Variants in KLHL29 observed in about 807,000 individuals in gnomAD.
KLHL29 encodes kelch-like protein 29.
KLHL29 carries 21 observed loss-of-function variants against 80.4 expected under a neutral mutation model. That is an observed-to-expected ratio of 0.26 (90% CI 0.19 to 0.38). KLHL29 has a LOEUF of 0.38. Among genes scored for constraint, KLHL29 ranks in the 10% least tolerant of loss-of-function variants. KLHL29 has a pLI of 1.00. For missense variants in KLHL29, 867 were observed against 1,223.9 expected, an observed-to-expected ratio of 0.71 and a Z score of 4.35; for synonymous variants, 511 against 526.8, an observed-to-expected ratio of 0.97 and a Z score of 0.41.
intron 1 of KLHL29, among the ~76,000 whole-genome samples, chr2:23,470,208 G>A (rs185001235): frequency 3.3e-5 from 5 of 152,192 alleles, no homozygotes; most frequent in Admixed American, 2.0e-4. Flanking sequence ...GGGCCCTTTG[G>A]TGCTGTGCTG....
chr2:23,653,382 T>C (rs1558425430), intron 5 of KLHL29, among the ~76,000 whole-genome samples: 1 of 152,198 alleles, frequency 6.6e-6, no homozygotes, highest in Non-Finnish European at 1.5e-5. Flanking sequence ...CCAAGAACTC[T>C]ACAGGGACAA....
intron 1 of KLHL29, among the ~76,000 whole-genome samples, chr2:23,395,170 G>A (rs1481804660): frequency 6.6e-6 from 1 of 152,202 alleles, no homozygotes; most frequent in Non-Finnish European, 1.5e-5. Context: ...TCACCAGGAA[G>A]TCCATGGAAA....
chr2:23,505,050 T>G (rs1198152934), intron 2 of KLHL29, among the ~76,000 whole-genome samples: 1 of 152,208 alleles, frequency 6.6e-6, no homozygotes, highest in Non-Finnish European at 1.5e-5. Context: ...AACAAAACCC[T>G]TAAATCCTCT....
At chr2:23,548,355 A>ACACACACAGG in intron 2 of KLHL29, among the ~76,000 whole-genome samples, 1 of 151,686 alleles carries the variant, frequency 6.6e-6, no homozygotes, top group East Asian at 1.9e-4. Context: ...GCACACAGGC[A>ACACACACAGG]CACACACAGG....
At chr2:23,495,543 AC>A (rs1429290788) in intron 2 of KLHL29, among the ~76,000 whole-genome samples, 3 of 151,816 alleles carry the variant, frequency 2.0e-5, no homozygotes, top group Non-Finnish European at 4.4e-5. Flanking sequence ...ATAACAGTCA[AC>A]CCTGCCATGT....
At chr2:23,701,799 T>C (rs866990822) in intron 11 of KLHL29, among the ~76,000 whole-genome samples, 46,342 of 122,108 alleles carry the variant, frequency 0.38, 11,389 homozygotes, top group East Asian at 0.76. Context: ...TTTGCTTTTT[T>C]TTTTTTTTTT....
chr2:23,604,115 C>A (rs2103525145), intron 3 of KLHL29, among the ~76,000 whole-genome samples: 1 of 151,862 alleles, frequency 6.6e-6, no homozygotes, highest in East Asian at 2.0e-4. Context: ...CATTGGACAA[C>A]TGGAAGATCC....
At chr2:23,568,085 G>T (rs942154770) in intron 3 of KLHL29, among the ~76,000 whole-genome samples, 5 of 152,122 alleles carry the variant, frequency 3.3e-5, no homozygotes, top group African/African-American at 1.2e-4. Context: ...ACCCATTTCA[G>T]AGCCTGCAGT....
intron 2 of KLHL29, among the ~76,000 whole-genome samples, chr2:23,536,938 G>A (rs200089384): frequency 2.3e-5 from 2 of 87,542 alleles, no homozygotes; most frequent in African/African-American, 5.2e-5. Flanking sequence ...TCCCTCTCTC[G>A]CTCTCTCTCT....
At position 23,531,248 on chromosome 2, in the gene KLHL29, C is replaced by A. The variant is rs529060277; in HGVS notation, c.-45-30904C>A. 1.3e-5 allele frequency among the ~76,000 whole-genome samples: 2 copies of A among 152,230 alleles called. 1 individual carries two copies. The highest frequency in any genetic ancestry group is 4.1e-4 in the South Asian group (2 of 4,826). On this transcript the variant is annotated intron_variant, in intron 2 of 13. Coordinates refer to ENST00000486442, the MANE Select transcript of KLHL29 (RefSeq NM_052920.2). ...ACAGCTGGGACCAGGGTGCAGCCAC[C>A]CTGTGGGTTCCATTAACCAAAAACA...
intron 1 of KLHL29, among the ~76,000 whole-genome samples, chr2:23,398,412 T>G (rs2103386855): frequency 6.6e-6 from 1 of 152,344 alleles, no homozygotes; most frequent in South Asian, 2.1e-4. Flanking sequence ...TAGAGTAGTA[T>G]GGATTGGATT....
intron 2 of KLHL29, among the ~76,000 whole-genome samples, chr2:23,492,577 A>G (rs143089136): frequency 3.3e-5 from 5 of 152,240 alleles, no homozygotes; most frequent in African/African-American, 4.8e-5. Context: ...GGAGCATCAG[A>G]TTAAATCTCC....
chr2:23,474,196 G>T (rs959538796), intron 1 of KLHL29, among the ~76,000 whole-genome samples: 1 of 152,100 alleles, frequency 6.6e-6, no homozygotes, highest in African/African-American at 2.4e-5. Context: ...TTTCTCTTTT[G>T]TTCACTCATG....
At chr2:23,607,661 C>T (rs576722082) in intron 3 of KLHL29, among the ~76,000 whole-genome samples, 1 of 152,316 alleles carries the variant, frequency 6.6e-6, no homozygotes, top group East Asian at 1.9e-4. Context: ...CACCTGAGCT[C>T]CATCTCCTGT....
intron 2 of KLHL29, among the ~76,000 whole-genome samples, chr2:23,529,887 G>C (rs1666440594): frequency 6.6e-6 from 1 of 152,222 alleles, no homozygotes; most frequent in Admixed American, 6.5e-5. Context: ...ATCGAGGACT[G>C]AGTCTCAGGT....
intron 3 of KLHL29, among the ~76,000 whole-genome samples, chr2:23,637,943 C>G (rs557434551): frequency 6.6e-6 from 1 of 152,244 alleles, no homozygotes; most frequent in South Asian, 2.1e-4. Context: ...TGGGGTCTGG[C>G]TGTGCTCCTG....
At chr2:23,570,352 C>T (rs967489673) in intron 3 of KLHL29, among the ~76,000 whole-genome samples, 3 of 152,188 alleles carry the variant, frequency 2.0e-5, no homozygotes, top group Admixed American at 6.5e-5. Context: ...GCGAGGTGCA[C>T]GTCTCAATAG....
intron 1 of KLHL29, among the ~76,000 whole-genome samples, chr2:23,470,988 A>G (rs1664482373): frequency 6.6e-6 from 1 of 152,196 alleles, no homozygotes; most frequent in Non-Finnish European, 1.5e-5. Context: ...AAGAATATGA[A>G]TGAGCGTTCC....
intron 3 of KLHL29, among the ~76,000 whole-genome samples, chr2:23,609,370 T>G (rs1668802054): frequency 6.6e-6 from 1 of 152,112 alleles, no homozygotes; most frequent in Non-Finnish European, 1.5e-5. Flanking sequence ...AGCTTGGTGC[T>G]TGTGAGGACT....
Sources: gnomAD v4.1 joint callset for allele counts (sites outside exome capture counted in the v4.1 genomes callset) on GRCh38, gnomAD v4.1.1 for gene constraint, MANE v1.5 for transcripts, NCBI Gene and HGNC (gene_info 2026-07-23, HGNC 2026-07-21) for gene names.